The following GRIA1 variants were observed in gnomAD, a reference collection of about 807,000 sequenced individuals.
GRIA1 encodes the protein glutamate ionotropic receptor AMPA type subunit 1.
A neutral mutation model predicts 99.2 loss-of-function variants in GRIA1; 31 were observed. The ratio of observed to expected loss-of-function variants is 0.31; its 90% CI spans 0.23 to 0.42. The LOEUF (loss-of-function observed/expected upper bound fraction) is 0.42. Among genes scored for constraint, GRIA1 ranks in the 10% least tolerant of loss-of-function variants. The pLI is 1.00. For synonymous variants in GRIA1, 438 were observed against 432.4 expected, an observed-to-expected ratio of 1.01 and a Z score of -0.16; for missense variants, 782 against 1,157.5, an observed-to-expected ratio of 0.68 and a Z score of 4.71.
chr5:153,602,148 A>G (rs1561679538), intron 2 of GRIA1, among the ~76,000 whole-genome samples: 2 of 152,364 alleles, frequency 1.3e-5, no homozygotes, highest in Non-Finnish European at 2.9e-5. Flanking sequence ...CAACAATGAT[A>G]GACTGGATTA....
At chr5:153,500,794 C>G (rs980532660) in intron 2 of GRIA1, among the ~76,000 whole-genome samples, 1 of 152,010 alleles carries the variant, frequency 6.6e-6, no homozygotes, top group East Asian at 1.9e-4. Context: ...CACACACACA[C>G]CCCACACACC....
intron 2 of GRIA1, among the ~76,000 whole-genome samples, chr5:153,575,205 G>GAGAGAGAGAC (rs1347967851): frequency 2.6e-5 from 4 of 151,776 alleles, no homozygotes; most frequent in African/African-American, 9.7e-5. Context: ...GAAAGAGAGA[G>GAGAGAGAGAC]AGAGAGAGAG....
At chr5:153,788,212 C>T (rs1203173304) in intron 13 of GRIA1, among the ~76,000 whole-genome samples, 1 of 152,134 alleles carries the variant, frequency 6.6e-6, no homozygotes, top group Non-Finnish European at 1.5e-5. Flanking sequence ...AAAATCAGCT[C>T]GAATCTTTCC....
intron 5 of GRIA1, among the ~76,000 whole-genome samples, chr5:153,668,191 A>G (rs187153173): frequency 5.3e-5 from 8 of 152,282 alleles, no homozygotes; most frequent in Admixed American, 5.2e-4. Context: ...TCTATTCTCA[A>G]CCAATCCTCT....
At chr5:153,806,168 A>G (rs1766411958) in intron 15 of GRIA1, among the ~76,000 whole-genome samples, 2 of 152,120 alleles carry the variant, frequency 1.3e-5, no homozygotes, top group African/African-American at 4.8e-5. Context: ...CAGAGACCCA[A>G]ATTGGTGATG....
chr5:153,536,417 G>T (rs1037213778), intron 2 of GRIA1, among the ~76,000 whole-genome samples: 2 of 152,082 alleles, frequency 1.3e-5, no homozygotes, highest in African/African-American at 4.8e-5. Flanking sequence ...ACATTAGCAA[G>T]ATTTGTATGC....
At chr5:153,629,183 G>A (rs1752747527) in intron 2 of GRIA1, among the ~76,000 whole-genome samples, 1 of 152,090 alleles carries the variant, frequency 6.6e-6, no homozygotes, top group African/African-American at 2.4e-5. Context: ...CTGTGAGGAG[G>A]GCAAAAATGC....
chr5:153,659,623 T>C (rs751153515), intron 5 of GRIA1, among the ~76,000 whole-genome samples: 2 of 152,164 alleles, frequency 1.3e-5, no homozygotes, highest in Admixed American at 6.5e-5. Flanking sequence ...TGGACCTCTG[T>C]AGTGTTTCTG....
chr5:153,694,518 A>G (rs943348387), intron 8 of GRIA1, among the ~76,000 whole-genome samples: 40 of 152,228 alleles, frequency 2.6e-4, no homozygotes, highest in African/African-American at 8.4e-4. Flanking sequence ...GCTTACTGAC[A>G]ATATGAACCA....
At chr5:153,756,742 T>G (rs998825472) in intron 11 of GRIA1, among the ~76,000 whole-genome samples, 20 of 152,070 alleles carry the variant, frequency 1.3e-4, no homozygotes, top group Non-Finnish European at 2.5e-4. Context: ...TACCCTCTAG[T>G]GTTGAAATAG....
At chr5:153,693,180 G>A (rs1213470268) in intron 8 of GRIA1, among the ~76,000 whole-genome samples, 1 of 152,150 alleles carries the variant, frequency 6.6e-6, no homozygotes, top group Admixed American at 6.5e-5. Flanking sequence ...CCAGCTAACA[G>A]ATAGGAATGA....
intron 14 of GRIA1, among the ~76,000 whole-genome samples, chr5:153,796,613 T>C (rs1386561680): frequency 1.3e-5 from 2 of 152,196 alleles, no homozygotes; most frequent in African/African-American, 2.4e-5. Context: ...GAAAAGAGAA[T>C]GACATCCTCA....
chr5:153,679,878 T>C (rs565340279), intron 7 of GRIA1, among the ~76,000 whole-genome samples: 1 of 152,208 alleles, frequency 6.6e-6, no homozygotes, highest in East Asian at 1.9e-4. Context: ...TGCTAGGGAG[T>C]TAAATTCTGA....
intron 2 of GRIA1, among the ~76,000 whole-genome samples, chr5:153,641,831 C>T (rs984128202): frequency 2.0e-5 from 3 of 152,162 alleles, no homozygotes; most frequent in Admixed American, 2.0e-4. Flanking sequence ...TGAACTCATC[C>T]TTAACATAGC....
chr5:153,545,026 G>A (rs35997851), intron 2 of GRIA1, among the ~76,000 whole-genome samples: 12,200 of 152,096 alleles, frequency 0.08, 555 homozygotes, highest in African/African-American at 0.11. Flanking sequence ...CATACAATAC[G>A]GTTCTAAGTC....
rs76210005 is a variant in GRIA1 at position 153,671,891 on chromosome 5, A to G, written c.700-2609A>G. 7.7e-3 allele frequency among the ~76,000 whole-genome samples: 1,178 copies of G among 152,306 alleles called. 15 individuals carry two copies. Among genetic ancestry groups the G allele is most frequent in the African/African-American group, 0.027 (1,130 of 41,562 alleles). ...TGGGAACACATGAGTAAACAAGATA[A>G]TCTCAAATGGTGATAAAAACTCTGG... On this transcript the variant is annotated intron_variant, in intron 5 of 15. Coordinates refer to ENST00000285900, the MANE Select transcript of GRIA1 (RefSeq NM_000827.4).
At chr5:153,578,344 G>T (rs1762759775) in intron 2 of GRIA1, among the ~76,000 whole-genome samples, 1 of 152,078 alleles carries the variant, frequency 6.6e-6, no homozygotes, top group Non-Finnish European at 1.5e-5. Context: ...ATGCTGGATG[G>T]TATTCATGCT....
At chr5:153,759,377 G>A (rs570801155) in intron 11 of GRIA1, among the ~76,000 whole-genome samples, 5 of 151,760 alleles carry the variant, frequency 3.3e-5, no homozygotes, top group South Asian at 2.1e-4. Flanking sequence ...AAAAGGAGAC[G>A]TTAAAATTGA....
chr5:153,670,162 C>T (rs1408362540), intron 5 of GRIA1, among the ~76,000 whole-genome samples: 1 of 152,182 alleles, frequency 6.6e-6, no homozygotes, highest in Non-Finnish European at 1.5e-5. Context: ...ACAGTAGACA[C>T]AGCATTCTTT....
Sources: gnomAD v4.1 joint callset for allele counts (sites outside exome capture counted in the v4.1 genomes callset) on GRCh38, gnomAD v4.1.1 for gene constraint, MANE v1.5 for transcripts, NCBI Gene and HGNC (gene_info 2026-07-23, HGNC 2026-07-21) for gene names.